The following ZNF438 variants were observed in gnomAD, a reference collection of about 807,000 sequenced individuals.
The protein encoded by ZNF438 is zinc finger protein 438.
Under a neutral mutation model 38.0 loss-of-function variants are expected in ZNF438, and 25 were observed. The observed-to-expected ratio is 0.66, with a 90% CI of 0.48 to 0.92. ZNF438 has a LOEUF of 0.92. Among genes scored for constraint, ZNF438 ranks in the 40% least tolerant of loss-of-function variants. The pLI, the probability that ZNF438 is intolerant of heterozygous loss-of-function variation, is 0.00. For missense variants in ZNF438, 1,007 were observed against 999.6 expected (o/e 1.01, Z -0.10); for synonymous variants, 372 against 364.1 (o/e 1.02, Z -0.25).
intron 5 of ZNF438, among the ~76,000 whole-genome samples, chr10:30,845,969 C>T (rs2031965048): frequency 1.3e-5 from 2 of 152,224 alleles, no homozygotes; most frequent in African/African-American, 4.8e-5. Context: ...GTGGCTCTCC[C>T]TAACCTTGAG....
intron 1 of ZNF438, among the ~76,000 whole-genome samples, chr10:30,948,408 T>C (rs1399990865): frequency 6.6e-6 from 1 of 152,140 alleles, no homozygotes; most frequent in African/African-American, 2.4e-5. Context: ...GAGAATGACT[T>C]CGACGAGCTG....
chr10:30,866,820 C>A lies in ZNF438; in HGVS notation c.37+10178G>T, dbSNP rs141915051. ...CTGCACTCCAGCCTGAGCGACAGAG[C>A]GAGACTCTGTCTCAAAAAAAAAAAA... On this transcript the variant is annotated intron_variant, in intron 4 of 5. Transcript: ENST00000413025. 9.8e-4 allele frequency among the ~76,000 whole-genome samples: 133 copies of A among 136,006 alleles called. 2 individuals carry two copies. In the East Asian group the frequency reaches 0.025, roughly 25 times the overall value. 89.2% of individuals were successfully genotyped at this position (136,006 alleles called of 152,430 possible). A position where few individuals can be genotyped will look rare whatever the true frequency, so the allele number is the denominator to read the frequency against.
At chr10:30,942,890 A>T (rs2046965950) in intron 1 of ZNF438, among the ~76,000 whole-genome samples, 1 of 152,264 alleles carries the variant, frequency 6.6e-6, no homozygotes. Flanking sequence ...AAAGAAGAGC[A>T]AAAGAAGAGA....
intron 4 of ZNF438, among the ~76,000 whole-genome samples, chr10:30,874,164 T>TATATATATATA (rs2038047191): frequency 1.7e-5 from 2 of 116,742 alleles, no homozygotes; most frequent in East Asian, 2.5e-4. Flanking sequence ...ATATATATAT[T>TATATATATATA]TAGAGACAAG....
At chr10:30,896,999 G>T (rs1181633654) in intron 3 of ZNF438, among the ~76,000 whole-genome samples, 1 of 152,090 alleles carries the variant, frequency 6.6e-6, no homozygotes, top group African/African-American at 2.4e-5. Flanking sequence ...CTTAAGCCAG[G>T]CATGTGCTCA....
At chr10:31,013,298 G>A (rs1332563783) in intron 1 of ZNF438, among the ~76,000 whole-genome samples, 1 of 151,574 alleles carries the variant, frequency 6.6e-6, no homozygotes, top group Non-Finnish European at 1.5e-5. Flanking sequence ...CAGCCTGGGC[G>A]ACAGAGCGAG....
intron 2 of ZNF438, among the ~76,000 whole-genome samples, chr10:30,932,995 C>A (rs1417309934): frequency 6.6e-6 from 1 of 152,166 alleles, no homozygotes; most frequent in Non-Finnish European, 1.5e-5. Context: ...GGAACATGGT[C>A]CTGCCAGCAC....
chr10:30,961,184 ATATG>A (rs1238465637), intron 1 of ZNF438, among the ~76,000 whole-genome samples: 2 of 144,278 alleles, frequency 1.4e-5, no homozygotes, highest in Admixed American at 7.0e-5. Flanking sequence ...ATATGTATAC[ATATG>A]TAACTAACCT....
At chr10:30,965,176 T>C (rs1209532174) in intron 1 of ZNF438, among the ~76,000 whole-genome samples, 1 of 151,948 alleles carries the variant, frequency 6.6e-6, no homozygotes, top group Non-Finnish European at 1.5e-5. Context: ...CCAACAAACA[T>C]ATGAAAAAAT....
intron 3 of ZNF438, among the ~76,000 whole-genome samples, chr10:30,896,244 C>T (rs1008567252): frequency 3.6e-4 from 53 of 146,676 alleles, no homozygotes; most frequent in Admixed American, 1.3e-3. Flanking sequence ...TGCAGTGAGC[C>T]GAGACCGCGC....
At chr10:30,932,808 T>A (rs1324371280) in intron 2 of ZNF438, among the ~76,000 whole-genome samples, 3 of 152,200 alleles carry the variant, frequency 2.0e-5, no homozygotes, top group Non-Finnish European at 4.4e-5. Context: ...GGGTGTGCCC[T>A]AATCCAATGT....
chr10:30,960,644 T>C (rs1378650970), intron 1 of ZNF438, among the ~76,000 whole-genome samples: 1 of 146,802 alleles, frequency 6.8e-6, no homozygotes, highest in Admixed American at 6.9e-5. Flanking sequence ...ACGGCCACGT[T>C]GTCCTGAATA....
At chr10:30,997,922 C>G (rs954038101) in intron 1 of ZNF438, among the ~76,000 whole-genome samples, 2 of 152,104 alleles carry the variant, frequency 1.3e-5, no homozygotes, top group African/African-American at 4.8e-5. Context: ...GCCAGAGAGT[C>G]TGATGATAAG....
At chr10:30,891,232 T>C (rs886917918) in intron 3 of ZNF438, among the ~76,000 whole-genome samples, 29 of 152,208 alleles carry the variant, frequency 1.9e-4, no homozygotes, top group Admixed American at 1.8e-3. Flanking sequence ...CTCTCTTTTT[T>C]TCCCCCTTGA....
At chr10:30,950,875 G>A (rs1349134287) in intron 1 of ZNF438, among the ~76,000 whole-genome samples, 4 of 122,254 alleles carry the variant, frequency 3.3e-5, no homozygotes, top group Non-Finnish European at 7.0e-5. Context: ...AGAAAAAGAG[G>A]GAATCCTCCC....
At chr10:31,002,949 T>C (rs749755798) in intron 1 of ZNF438, among the ~76,000 whole-genome samples, 12 of 152,220 alleles carry the variant, frequency 7.9e-5, no homozygotes, top group Non-Finnish European at 1.5e-4. Context: ...AAACAAGTAA[T>C]GCAGGTTTTC....
chr10:30,978,879 CCTTTGAAG>C lies in ZNF438; in HGVS notation c.-191-37236_-191-37229del, dbSNP rs1664084203. On this transcript the variant is annotated intron_variant, in intron 1 of 5. Transcript: ENST00000413025. Reference sequence around the variant, plus strand: ...GCCCCTAGCAAGAGAGTCAGCTTCTCCTTTGAAGCTTTGAAGCCAAGCATTGACTCTCC... The same window carrying C: ...GCCCCTAGCAAGAGAGTCAGCTTCTCCTTTGAAGCCAAGCATTGACTCTCC... Among the ~76,000 whole-genome samples the C allele has an allele frequency of 2.0e-5, 3 of 152,330 alleles. No homozygotes were observed. In the East Asian group the frequency reaches 5.8e-4, roughly 29 times the overall value.
At chr10:30,893,050 T>C (rs2134061144) in intron 3 of ZNF438, among the ~76,000 whole-genome samples, 1 of 152,272 alleles carries the variant, frequency 6.6e-6, no homozygotes, top group Admixed American at 6.5e-5. Context: ...AGTAAGAAAT[T>C]TCTGGGTTGA....
chr10:31,019,906 C>T (rs751905378), intron 1 of ZNF438, among the ~76,000 whole-genome samples: 6 of 152,134 alleles, frequency 3.9e-5, no homozygotes, highest in Non-Finnish European at 7.4e-5. Flanking sequence ...CTCTCACTCA[C>T]TAGTAATTAA....
Sources: gnomAD v4.1 joint callset for allele counts (sites outside exome capture counted in the v4.1 genomes callset) on GRCh38, gnomAD v4.1.1 for gene constraint, MANE v1.5 for transcripts, NCBI Gene and HGNC (gene_info 2026-07-23, HGNC 2026-07-21) for gene names.